HS3ST4: variants seen among roughly 807,000 people sequenced by gnomAD.
The protein encoded by HS3ST4 is heparan sulfate-glucosamine 3-sulfotransferase 4.
In HS3ST4, 17 loss-of-function variants were observed where a neutral mutation model predicts 29.2. That is an observed-to-expected ratio of 0.58 (90% CI 0.40 to 0.87). The LOEUF is 0.87. HS3ST4 is among the 40% of genes least tolerant of loss of function. The pLI is 0.00. For synonymous variants in HS3ST4, 314 were observed against 285.7 expected (o/e 1.10, Z -1.00); for missense variants, 627 against 634.5 (o/e 0.99, Z 0.13).
intron 1 of HS3ST4, among the ~76,000 whole-genome samples, chr16:25,875,926 G>A (rs1412285001): frequency 6.6e-6 from 1 of 152,138 alleles, no homozygotes; most frequent in Non-Finnish European, 1.5e-5. Flanking sequence ...AGGTATATTA[G>A]GATCTGAGGC....
chr16:25,963,204 C>G (rs1391019995), intron 1 of HS3ST4, among the ~76,000 whole-genome samples: 1 of 152,186 alleles, frequency 6.6e-6, no homozygotes, highest in Non-Finnish European at 1.5e-5. Context: ...GATTCTTGAA[C>G]ATCCAAACTC....
At chr16:25,803,770 T>C (rs1966963576) in intron 1 of HS3ST4, among the ~76,000 whole-genome samples, 1 of 152,178 alleles carries the variant, frequency 6.6e-6, no homozygotes, top group Admixed American at 6.5e-5. Flanking sequence ...CTGACATCCA[T>C]TGCAGCAGAG....
At chr16:25,986,964 A>G (rs1034762670) in intron 1 of HS3ST4, among the ~76,000 whole-genome samples, 6 of 152,240 alleles carry the variant, frequency 3.9e-5, no homozygotes, top group African/African-American at 1.4e-4. Context: ...ACAGGTTGTT[A>G]ATCGGTCTGG....
At chr16:25,743,190 G>T (rs4787752) in intron 1 of HS3ST4, among the ~76,000 whole-genome samples, 1 of 152,112 alleles carries the variant, frequency 6.6e-6, no homozygotes, top group African/African-American at 2.4e-5. Context: ...GACTGTGTGG[G>T]CTCCGAGGAC....
At chr16:25,716,371 C>T (rs569755523) in intron 1 of HS3ST4, among the ~76,000 whole-genome samples, 57 of 152,252 alleles carry the variant, frequency 3.7e-4, no homozygotes, top group African/African-American at 1.3e-3. Flanking sequence ...TAAGTTTGGA[C>T]CAATGGGATT....
intron 1 of HS3ST4, among the ~76,000 whole-genome samples, chr16:25,905,568 C>T (rs996142465): frequency 6.6e-6 from 1 of 152,018 alleles, no homozygotes; most frequent in African/African-American, 2.4e-5. Context: ...CAGCAAGATC[C>T]CTGGGTGATT....
intron 1 of HS3ST4, among the ~76,000 whole-genome samples, chr16:25,990,885 C>T (rs778212033): frequency 1.6e-4 from 24 of 152,168 alleles, no homozygotes; most frequent in Non-Finnish European, 2.9e-4. Context: ...GTGATGACAG[C>T]GTCTCTATAA....
intron 1 of HS3ST4, among the ~76,000 whole-genome samples, chr16:25,859,413 C>T (rs1440464543): frequency 6.6e-6 from 1 of 152,128 alleles, no homozygotes; most frequent in Non-Finnish European, 1.5e-5. Context: ...AAGTAATTCA[C>T]CTAATAAGTG....
intron 1 of HS3ST4, among the ~76,000 whole-genome samples, chr16:25,941,775 A>G (rs1320482052): frequency 2.0e-5 from 3 of 151,124 alleles, no homozygotes; most frequent in Non-Finnish European, 4.4e-5. Context: ...ATGGCATTTC[A>G]CTATGTTGGT....
chr16:25,710,674 CTTATT>C (rs1462068760), intron 1 of HS3ST4, among the ~76,000 whole-genome samples: 6 of 151,850 alleles, frequency 4.0e-5, no homozygotes, highest in Non-Finnish European at 8.8e-5. Context: ...TTTCTTGCTA[CTTATT>C]TTAAGATTCT....
intron 1 of HS3ST4, among the ~76,000 whole-genome samples, chr16:25,747,558 T>C (rs887036281): frequency 3.9e-5 from 6 of 152,206 alleles, no homozygotes; most frequent in African/African-American, 1.4e-4. Flanking sequence ...TCCTCACGAC[T>C]CTTATCAGGC....
intron 1 of HS3ST4, among the ~76,000 whole-genome samples, chr16:25,820,453 G>A (rs1596581114): frequency 6.6e-6 from 1 of 152,066 alleles, no homozygotes; most frequent in Non-Finnish European, 1.5e-5. Flanking sequence ...TTGTGCGGTG[G>A]TGCAGTCATA....
intron 1 of HS3ST4, among the ~76,000 whole-genome samples, chr16:25,930,911 A>G (rs916913672): frequency 6.6e-6 from 1 of 151,504 alleles, no homozygotes; most frequent in Non-Finnish European, 1.5e-5. Context: ...AACAAAAACA[A>G]AAACAAAAAC....
chr16:25,914,336 T>G (rs1968270814), intron 1 of HS3ST4, among the ~76,000 whole-genome samples: 1 of 150,424 alleles, frequency 6.6e-6, no homozygotes, highest in African/African-American at 2.5e-5. Context: ...TGTGGTGTGA[T>G]GTATGTATGT....
At chr16:26,131,162 C>T (rs1482008913) in intron 1 of HS3ST4, among the ~76,000 whole-genome samples, 1 of 152,140 alleles carries the variant, frequency 6.6e-6, no homozygotes, top group Non-Finnish European at 1.5e-5. Flanking sequence ...GTTGCCCTCT[C>T]CACCTACACC....
At chr16:25,851,422 G>A (rs1185077437) in intron 1 of HS3ST4, among the ~76,000 whole-genome samples, 3 of 152,020 alleles carry the variant, frequency 2.0e-5, no homozygotes, top group Admixed American at 1.3e-4. Context: ...TTTGCCCTCT[G>A]TCCATAGAGC....
intron 1 of HS3ST4, among the ~76,000 whole-genome samples, chr16:25,937,973 A>G (rs183220029): frequency 3.3e-5 from 5 of 152,284 alleles, no homozygotes; most frequent in African/African-American, 7.2e-5. Context: ...TAGGAGGGAA[A>G]TGCGCAGGGT....
intron 1 of HS3ST4, among the ~76,000 whole-genome samples, chr16:25,873,043 T>C (rs1967772301): frequency 6.6e-6 from 1 of 152,178 alleles, no homozygotes; most frequent in African/African-American, 2.4e-5. Flanking sequence ...TATGTTGACA[T>C]TGGCTCAGAA....
At chr16:26,033,089 A>C (rs1969547703) in intron 1 of HS3ST4, among the ~76,000 whole-genome samples, 1 of 152,128 alleles carries the variant, frequency 6.6e-6, no homozygotes, top group African/African-American at 2.4e-5. Flanking sequence ...AGTGGAAAGA[A>C]CACAGGTGGC....
Sources: gnomAD v4.1 joint callset for allele counts (sites outside exome capture counted in the v4.1 genomes callset) on GRCh38, gnomAD v4.1.1 for gene constraint, MANE v1.5 for transcripts, NCBI Gene and HGNC (gene_info 2026-07-23, HGNC 2026-07-21) for gene names.